Variants in KLHL1 observed in about 807,000 individuals in gnomAD.
KLHL1 encodes the protein kelch like family member 1.
Under a neutral mutation model 77.7 loss-of-function variants are expected in KLHL1, and 47 were observed. The observed-to-expected ratio is 0.60, with a 90% CI of 0.48 to 0.77. The LOEUF (loss-of-function observed/expected upper bound fraction) is 0.77. Ranked by LOEUF, KLHL1 falls within the 30% of genes least tolerant of loss-of-function variation. KLHL1 has a pLI of 0.00. For missense variants in KLHL1, 925 were observed against 910.8 expected (o/e 1.02, Z -0.20); for synonymous variants, 360 against 325.2 (o/e 1.11, Z -1.15).
intron 3 of KLHL1, among the ~76,000 whole-genome samples, chr13:69,959,377 T>C (rs1263297593): frequency 6.6e-6 from 1 of 151,886 alleles, no homozygotes; most frequent in Non-Finnish European, 1.5e-5. Flanking sequence ...CAGGAAACAA[T>C]AACGTAATTA....
intron 6 of KLHL1, among the ~76,000 whole-genome samples, chr13:69,825,001 A>C (rs563067950): frequency 6.8e-6 from 1 of 147,872 alleles, no homozygotes; most frequent in African/African-American, 2.7e-5. Context: ...TTTGAAATGC[A>C]TTAAAAAATT....
At chr13:69,731,343 A>G (rs948943604) in intron 8 of KLHL1, among the ~76,000 whole-genome samples, 6 of 152,178 alleles carry the variant, frequency 3.9e-5, no homozygotes, top group Non-Finnish European at 7.4e-5. Context: ...GAAAGTTGGT[A>G]ACAAAATATT....
At chr13:69,713,033 T>C (rs1056842104) in intron 9 of KLHL1, among the ~76,000 whole-genome samples, 1 of 152,126 alleles carries the variant, frequency 6.6e-6, no homozygotes, top group African/African-American at 2.4e-5. Context: ...TCTCACTATG[T>C]CACCCAGTCT....
chr13:70,009,982 G>C (rs1246232343), intron 1 of KLHL1, among the ~76,000 whole-genome samples: 1 of 151,928 alleles, frequency 6.6e-6, no homozygotes, highest in African/African-American at 2.4e-5. Flanking sequence ...CAAAGGAAAG[G>C]AGTAAGGAGG....
At chr13:69,749,410 A>G (rs1193527196) in intron 7 of KLHL1, among the ~76,000 whole-genome samples, 1 of 151,974 alleles carries the variant, frequency 6.6e-6, no homozygotes, top group Non-Finnish European at 1.5e-5. Context: ...AATGTCTTTT[A>G]GATGTTTTAT....
At chr13:69,898,887 A>G (rs1295104417) in intron 4 of KLHL1, among the ~76,000 whole-genome samples, 1 of 152,204 alleles carries the variant, frequency 6.6e-6, no homozygotes, top group Non-Finnish European at 1.5e-5. Context: ...ACCATTGATT[A>G]TAAGTGGTCC....
intron 4 of KLHL1, among the ~76,000 whole-genome samples, chr13:69,923,776 G>T (rs1401665191): frequency 6.6e-6 from 1 of 152,258 alleles, no homozygotes; most frequent in Non-Finnish European, 1.5e-5. Context: ...GGCTACATTT[G>T]CCATGGAAGA....
chr13:69,989,928 C>T (rs936109218), intron 1 of KLHL1, among the ~76,000 whole-genome samples: 5 of 151,956 alleles, frequency 3.3e-5, no homozygotes, highest in Non-Finnish European at 5.9e-5. Context: ...TTGATTTCCT[C>T]TCTTCCTATT....
intron 5 of KLHL1, among the ~76,000 whole-genome samples, chr13:69,855,560 G>A (rs149228279): frequency 6.6e-6 from 1 of 151,752 alleles, no homozygotes; most frequent in Non-Finnish European, 1.5e-5. Flanking sequence ...TCTTGGGGGC[G>A]GTTTTTCTGC....
chr13:70,081,698 G>A (rs1225602303), intron 1 of KLHL1, among the ~76,000 whole-genome samples: 1 of 152,162 alleles, frequency 6.6e-6, no homozygotes, highest in Non-Finnish European at 1.5e-5. Context: ...CCATTGTCAA[G>A]CTTCTTGTAG....
intron 7 of KLHL1, among the ~76,000 whole-genome samples, chr13:69,779,075 G>T (rs912101437): frequency 4.6e-5 from 7 of 151,992 alleles, no homozygotes; most frequent in Non-Finnish European, 7.4e-5. Flanking sequence ...TGGGATTACA[G>T]GTCTAAGCCA....
chr13:69,716,997 AT>A (rs67190517), intron 9 of KLHL1, among the ~76,000 whole-genome samples: 3,039 of 152,216 alleles, frequency 0.02, 42 homozygotes, highest in Middle Eastern at 0.044. Context: ...TCCATAAACT[AT>A]TCTAAAGTCC....
Position 69,791,566 on chromosome 13 carries a change from G to A in KLHL1, c.1639+5172C>T, listed in dbSNP as rs113910809. Among the ~76,000 whole-genome samples, 15 of 152,114 alleles carry A rather than the reference G, an allele frequency of 9.9e-5. 1 individual carries two copies. Among genetic ancestry groups the A allele is most frequent in the African/African-American group, 3.6e-4 (15 of 41,508 alleles). On this transcript the variant is annotated intron_variant, in intron 7 of 10. Transcript: ENST00000377844. ...AAGCTTCAGTAAACAAGAAAATGTG[G>A]GAATGGCATAAAGATATACACATAG... is the stretch of plus-strand genomic sequence containing the variant.
chr13:69,703,267 A>G (rs1157288370), intron 10 of KLHL1, among the ~76,000 whole-genome samples: 3 of 151,566 alleles, frequency 2.0e-5, no homozygotes, highest in Non-Finnish European at 4.4e-5. Flanking sequence ...CATTACTCAA[A>G]TGTCTGTGGT....
intron 2 of KLHL1, among the ~76,000 whole-genome samples, chr13:69,967,605 T>C (rs1182936662): frequency 6.6e-6 from 1 of 152,128 alleles, no homozygotes; most frequent in Non-Finnish European, 1.5e-5. Context: ...TTACACAACC[T>C]GGTGGGGCGT....
At position 69,736,280 on chromosome 13, in the gene KLHL1, T is replaced by C. The variant is rs564460425; in HGVS notation, c.1802+4114A>G. 1.2e-4 allele frequency among the ~76,000 whole-genome samples: 19 copies of C among 152,172 alleles called. No individual in the cohort carries two copies. The South Asian group carries it at 3.7e-3, about 30-fold the overall frequency. ...CATATACAAATGAGGAACAAACATA[T>C]GAAAAAATTCTCAACATCACTAATG... On this transcript the variant is annotated intron_variant, in intron 8 of 10. Coordinates refer to ENST00000377844, the MANE Select transcript of KLHL1 (RefSeq NM_020866.3).
chr13:69,763,117 C>A (rs73504029), intron 7 of KLHL1, among the ~76,000 whole-genome samples: 5,913 of 152,186 alleles, frequency 0.039, 370 homozygotes, highest in African/African-American at 0.13. Flanking sequence ...ATAAAAAGTT[C>A]TATAGCAGAT....
At position 69,991,994 on chromosome 13, in the gene KLHL1, C is replaced by G. The variant is rs150918779; in HGVS notation, c.498-16192G>C. 1.4e-3 allele frequency among the ~76,000 whole-genome samples: 215 copies of G among 152,092 alleles called. 2 individuals are homozygous for G. The highest frequency in any genetic ancestry group is 5.0e-3 in the African/African-American group (208 of 41,538). ...CCTGAACATCAACATCAGCTGTGAA[C>G]TTGCTAGGAATGCAAAGTACTAGGC... On this transcript the variant is annotated intron_variant, in intron 1 of 10. Coordinates refer to ENST00000377844, the MANE Select transcript of KLHL1 (RefSeq NM_020866.3).
At chr13:69,968,326 AACT>A (rs758243272) in intron 2 of KLHL1, among the ~76,000 whole-genome samples, 85,638 of 150,870 alleles carry the variant, frequency 0.57, 24,783 homozygotes, top group Non-Finnish European at 0.62. Context: ...ATGTAAATAG[AACT>A]GATATATTTG....
Sources: allele counts gnomAD v4.1 joint callset (sites outside exome capture counted in the v4.1 genomes callset), GRCh38; gene constraint gnomAD v4.1.1; transcripts MANE v1.5; gene names NCBI Gene and HGNC (gene_info 2026-07-23, HGNC 2026-07-21).